RSU1: variants seen among roughly 807,000 people sequenced by gnomAD.
The protein encoded by RSU1 is rsu-1.
RSU1 carries 26 observed loss-of-function variants against 31.1 expected under a neutral mutation model. The observed-to-expected ratio is 0.84, with a 90% CI of 0.61 to 1.16. The LOEUF (loss-of-function observed/expected upper bound fraction) is 1.16, where lower values mean the gene tolerates loss of function less well. RSU1 is among the 50% of genes most tolerant of loss of function. The probability of loss-of-function intolerance (pLI) is 0.00; values close to 1 mark genes in which losing one functional copy is unlikely to be tolerated. For missense variants in RSU1, 320 were observed against 339.1 expected, an observed-to-expected ratio of 0.94 and a Z score of 0.44; for synonymous variants, 164 against 136.3, an observed-to-expected ratio of 1.20 and a Z score of -1.41.
rs113316063 is a variant in RSU1 at position 16,755,422 on chromosome 10, C to CTT, written c.282-435_282-434dup. ...ACAGGCGTGAGCCCCCATGCCCATCCTTTTTTTTTTTTAATTAAAAAAAGC... is the reference window on the plus strand; with the variant it reads ...ACAGGCGTGAGCCCCCATGCCCATCCTTTTTTTTTTTTTTAATTAAAAAAAGC... On this transcript the variant is annotated intron_variant, in intron 4 of 8. Coordinates refer to ENST00000345264, the MANE Select transcript of RSU1 (RefSeq NM_012425.4). Among the ~76,000 whole-genome samples, 10 of 145,322 alleles carry CTT rather than the reference C, an allele frequency of 6.9e-5. No individual in the cohort carries two copies. The East Asian group carries it at 1.2e-3, about 17-fold the overall frequency.
chr10:16,632,421 T>C (rs1006441618), intron 8 of RSU1, among the ~76,000 whole-genome samples: 1 of 152,122 alleles, frequency 6.6e-6, no homozygotes, highest in African/African-American at 2.4e-5. Context: ...GGTTTATTAG[T>C]AATAAGTTGG....
chr10:16,725,254 G>A (rs904109984), intron 7 of RSU1, among the ~76,000 whole-genome samples: 1 of 152,220 alleles, frequency 6.6e-6, no homozygotes, highest in East Asian at 1.9e-4. Context: ...CATCCTAGCA[G>A]AGAAAGCAAG....
At position 16,817,052 on chromosome 10, in the gene RSU1, C is replaced by T. The variant is rs144392856; in HGVS notation, c.30G>A (p.Glu10=). 91 of 1,614,054 alleles carry T rather than the reference C, an allele frequency of 5.6e-5. No homozygotes were observed. Among genetic ancestry groups the T allele is most frequent in the Non-Finnish European group, 3.4e-6 (4 of 1,179,970 alleles). ...CGGGCTGGTTCTTCTCCCGGCTCTC[C>T]TCCACCAACTTCTTCAGAGACTTGG... MSKSLKKLV[E]ESREKNQPEV... Residue 10 remains glutamate, a synonymous_variant, in exon 2 of 9, where the codon GAG becomes GAA. Transcript: ENST00000345264.
intron 8 of RSU1, among the ~76,000 whole-genome samples, chr10:16,661,502 A>G (rs1183081692): frequency 1.3e-5 from 2 of 152,202 alleles, no homozygotes; most frequent in African/African-American, 4.8e-5. Context: ...CCTGGCAAGT[A>G]GCGTATACTT....
chr10:16,628,320 T>A (rs1421138897), intron 8 of RSU1, among the ~76,000 whole-genome samples: 9 of 152,248 alleles, frequency 5.9e-5, no homozygotes, highest in African/African-American at 2.2e-4. Context: ...GACTATGTCA[T>A]CTTCCTCCAT....
At chr10:16,791,185 C>T (rs117132481) in intron 2 of RSU1, among the ~76,000 whole-genome samples, 1 of 152,054 alleles carries the variant, frequency 6.6e-6, no homozygotes, top group Non-Finnish European at 1.5e-5. Flanking sequence ...CACCACCATA[C>T]CCAGCTAATT....
intron 2 of RSU1, among the ~76,000 whole-genome samples, chr10:16,802,998 T>C (rs910764457): frequency 1.3e-5 from 2 of 152,148 alleles, no homozygotes; most frequent in East Asian, 1.9e-4. Flanking sequence ...TCACCACTTC[T>C]AGCCAAAATC....
intron 8 of RSU1, among the ~76,000 whole-genome samples, chr10:16,687,925 T>C (rs1835469220): frequency 6.6e-6 from 1 of 152,120 alleles, no homozygotes; most frequent in Non-Finnish European, 1.5e-5. Flanking sequence ...TCTCACTATG[T>C]TGCCCAGGCT....
At chr10:16,676,318 G>C (rs969685615) in intron 8 of RSU1, among the ~76,000 whole-genome samples, 1 of 152,228 alleles carries the variant, frequency 6.6e-6, no homozygotes, top group African/African-American at 2.4e-5. Context: ...GCAGATGAAG[G>C]ATGAGCAAAG....
rs1355368722 is a variant in RSU1 at position 16,778,587 on chromosome 10, G to C, written c.160+3447C>G. On this transcript the variant is annotated intron_variant, in intron 3 of 8. Coordinates refer to ENST00000345264, the MANE Select transcript of RSU1 (RefSeq NM_012425.4). ...GAGAAGGACAGGGAATGCCATGCTA[G>C]AGTTAAAGAGTCTACATGCAAGAGA... Among the ~76,000 whole-genome samples the C allele has an allele frequency of 2.6e-5, 4 of 152,202 alleles. No homozygotes were observed. The East Asian group carries it at 7.7e-4, about 29-fold the overall frequency.
At chr10:16,785,396 CTCTA>C (rs148475937) in intron 2 of RSU1, among the ~76,000 whole-genome samples, 13,399 of 103,524 alleles carry the variant, frequency 0.13, 1,518 homozygotes, top group African/African-American at 0.34. Context: ...TTCACTCTCT[CTCTA>C]TCTTTCTATA....
intron 3 of RSU1, among the ~76,000 whole-genome samples, chr10:16,770,268 C>T (rs1244721561): frequency 6.6e-6 from 1 of 152,150 alleles, no homozygotes; most frequent in Non-Finnish European, 1.5e-5. Context: ...AGGACAGGAG[C>T]TCTGCCTGGG....
At chr10:16,681,031 T>G (rs2080266054) in intron 8 of RSU1, among the ~76,000 whole-genome samples, 1 of 152,200 alleles carries the variant, frequency 6.6e-6, no homozygotes, top group Non-Finnish European at 1.5e-5. Flanking sequence ...TATTTAGCAG[T>G]CTTAGCCTTA....
intron 8 of RSU1, among the ~76,000 whole-genome samples, chr10:16,659,992 T>G (rs1328644847): frequency 6.6e-6 from 1 of 152,232 alleles, no homozygotes; most frequent in Non-Finnish European, 1.5e-5. Context: ...CACAAACTTT[T>G]GCATATTTTG....
At chr10:16,716,906 C>G (rs2131585365) in intron 7 of RSU1, among the ~76,000 whole-genome samples, 1 of 152,252 alleles carries the variant, frequency 6.6e-6, no homozygotes, top group Middle Eastern at 3.4e-3. Context: ...TAATATTCAT[C>G]TTAAGAACCT....
chr10:16,616,612 C>T (rs1370422749), intron 8 of RSU1, among the ~76,000 whole-genome samples: 1 of 152,094 alleles, frequency 6.6e-6, no homozygotes, highest in Non-Finnish European at 1.5e-5. Context: ...AGGTGAAAAT[C>T]CTCAATAAAA....
intron 7 of RSU1, among the ~76,000 whole-genome samples, chr10:16,752,279 C>T (rs1355761863): frequency 2.6e-5 from 4 of 152,148 alleles, no homozygotes; most frequent in African/African-American, 4.8e-5. Flanking sequence ...CACTACATCA[C>T]GCAGGGAGCT....
At chr10:16,610,196 G>A in intron 8 of RSU1, among the ~76,000 whole-genome samples, 1 of 151,518 alleles carries the variant, frequency 6.6e-6, no homozygotes, top group East Asian at 1.9e-4. Flanking sequence ...GTATTTTAGA[G>A]TTAGAGCACA....
chr10:16,688,541 G>A (rs1407532241), intron 8 of RSU1, among the ~76,000 whole-genome samples: 3 of 152,080 alleles, frequency 2.0e-5, no homozygotes, highest in East Asian at 1.9e-4. Context: ...CCCGGAAGGC[G>A]GAGCTTGCAG....
Sources: allele counts gnomAD v4.1 joint callset (sites outside exome capture counted in the v4.1 genomes callset), GRCh38; gene constraint gnomAD v4.1.1; transcripts MANE v1.5; gene names NCBI Gene and HGNC (gene_info 2026-07-23, HGNC 2026-07-21).